The following LRIG1 variants were observed in gnomAD, a reference collection of about 807,000 sequenced individuals.
LRIG1 encodes the protein leucine rich repeats and immunoglobulin like domains 1.
LRIG1 carries 48 observed loss-of-function variants against 99.2 expected under a neutral mutation model. The ratio of observed to expected loss-of-function variants is 0.48; its 90% CI spans 0.38 to 0.62. The LOEUF is 0.62. LRIG1 is among the 20% of genes least tolerant of loss of function. The pLI is 0.00. For synonymous variants in LRIG1, 772 were observed against 596.1 expected, an observed-to-expected ratio of 1.29 and a Z score of -4.30; for missense variants, 1,646 against 1,434.4, an observed-to-expected ratio of 1.15 and a Z score of -2.38.
In LRIG1 at chr3:66,500,632, C is replaced by T. The variant is rs527463377; in HGVS notation, c.-225G>A. 2 of 317,900 alleles carry T rather than the reference C, an allele frequency of 6.3e-6. No homozygotes were observed. The highest frequency in any genetic ancestry group is 2.2e-5 in the African/African-American group (1 of 45,768). The allele number at this position is 317,900 out of a possible 1,614,324, so 19.7% of individuals were successfully genotyped here. ...CGGGGGCCGCAAACCCCGCGCCCAT[C>T]CGGGCCGGCCGGCCCGCCCGCGCTA... On this transcript the variant is annotated 5_prime_UTR_variant, in exon 1 of 19. Coordinates refer to ENST00000273261, the MANE Select transcript of LRIG1 (RefSeq NM_015541.3).
chr3:66,495,200 C>T lies in LRIG1; in HGVS notation c.218+4990G>A, dbSNP rs147894645. ...CTTAAGTCATAAAAAATAACAGTAACGGTCCCTAAATTTCCCACAGGCTGG... is the reference window on the plus strand; with the variant it reads ...CTTAAGTCATAAAAAATAACAGTAATGGTCCCTAAATTTCCCACAGGCTGG... On this transcript the variant is annotated intron_variant, in intron 1 of 18. Transcript: ENST00000273261. 1.1e-3 allele frequency among the ~76,000 whole-genome samples: 175 copies of T among 152,284 alleles called. 2 individuals are homozygous for T. The highest frequency in any genetic ancestry group is 9.7e-3 in the Admixed American group (148 of 15,294).
Position 66,382,296 on chromosome 3 carries a change from G to A in LRIG1, c.2594C>T (p.Ala865Val). 6.2e-7 allele frequency: 1 copy of A among 1,614,132 alleles called. No homozygotes were observed. Among genetic ancestry groups the A allele is most frequent in the Non-Finnish European group, 8.5e-7 (1 of 1,180,022 alleles). Residue 865 changes from alanine (A) to valine (V), a missense_variant, in exon 16 of 19, where the codon GCC becomes GTC. By Grantham distance (64) the Ala-to-Val change is moderately conservative. Transcript: ENST00000273261. ...TVVRTEGGPQ[A>V]NGHIESNGVC... ...ACCATTGCTCTCAATGTGCCCATTGGCCTGAGGGCCACCCTCGGTCCTGAC... is the reference window on the plus strand; with the variant it reads ...ACCATTGCTCTCAATGTGCCCATTGACCTGAGGGCCACCCTCGGTCCTGAC...
chr3:66,382,273 C>T lies in LRIG1; in HGVS notation c.2617G>A (p.Gly873Ser). The T allele has an allele frequency of 6.2e-7, 1 of 1,614,154 alleles. No homozygotes were observed. Among genetic ancestry groups the T allele is most frequent in the Non-Finnish European group, 8.5e-7 (1 of 1,180,014 alleles). ...TGCTTCACAGTTACTGAGGCCTTAC[C>T]ATTGCTCTCAATGTGCCCATTGGCC... Reference protein sequence around the residue: ...PQANGHIESNGVCPRDASHFP... With the variant: ...PQANGHIESNSVCPRDASHFP... Residue 873 changes from glycine to serine, a missense_variant and splice_region_variant, in exon 16 of 19, where the codon GGT becomes AGT. Gly to Ser is a moderately conservative substitution (Grantham distance 56, BLOSUM62 0). Transcript: ENST00000273261.
chr3:66,434,919 T>C (rs186281551), intron 3 of LRIG1, among the ~76,000 whole-genome samples: 2 of 152,236 alleles, frequency 1.3e-5, no homozygotes, highest in East Asian at 1.9e-4. Flanking sequence ...GACCTGTCAA[T>C]TGCACTCCTG....
At chr3:66,398,887 G>C in intron 10 of LRIG1, 83 bp downstream of exon 10, 2 of 1,111,508 alleles carry the variant, frequency 1.8e-6, no homozygotes, top group East Asian at 2.4e-5. Context: ...AGTTTACAAA[G>C]ATGCGATTAA....
At chr3:66,487,841 G>A (rs1220049782) in intron 1 of LRIG1, among the ~76,000 whole-genome samples, 2 of 152,026 alleles carry the variant, frequency 1.3e-5, no homozygotes, top group Non-Finnish European at 2.9e-5. Context: ...AATTTTTTTT[G>A]TAAAGTCTAG....
chr3:66,483,535 G>T (rs1352516586), intron 1 of LRIG1, among the ~76,000 whole-genome samples: 1 of 152,228 alleles, frequency 6.6e-6, no homozygotes, highest in Non-Finnish European at 1.5e-5. Context: ...CAGCAAAGAG[G>T]GAGAAAAGCT....
chr3:66,381,724 ATTTT>A, intron 16 of LRIG1, 93 bp from the exon 17 acceptor site: 2 of 1,423,636 alleles, frequency 1.4e-6, no homozygotes, highest in Non-Finnish European at 1.9e-6. Context: ...TAGAACAGTC[ATTTT>A]TTTTAAAAAG....
intron 15 of LRIG1, 83 bp from the exon 16 acceptor site, chr3:66,382,481 G>A: frequency 6.5e-7 from 1 of 1,529,496 alleles, no homozygotes; most frequent in Non-Finnish European, 9.0e-7. Context: ...GCTCAGAAAG[G>A]GGATCCTCCC....
chr3:66,442,533 G>A (rs937429004), intron 3 of LRIG1, among the ~76,000 whole-genome samples: 3 of 152,000 alleles, frequency 2.0e-5, no homozygotes, highest in East Asian at 1.9e-4. Flanking sequence ...CCTTTCACAC[G>A]GGAGATTGTG....
rs199829608 is a variant in LRIG1 at position 66,382,423 on chromosome 3, A to C, written c.2492-25T>G. On this transcript the variant is annotated intron_variant, in intron 15 of 18. Coordinates refer to ENST00000273261, the MANE Select transcript of LRIG1 (RefSeq NM_015541.3). The stretch of plus-strand genomic sequence containing the variant: ...TCTGCAAGGAGACAGAACAAATAGA[A>C]CACCAGGGTCTCAGTGACAAGAAAT... The C allele has an allele frequency of 1.8e-3, 2,886 of 1,613,950 alleles. 40 individuals are homozygous for C. The highest frequency in any genetic ancestry group is 0.015 in the African/African-American group (1,116 of 75,034).
chr3:66,447,386 T>C (rs903287407), intron 3 of LRIG1, among the ~76,000 whole-genome samples: 1 of 151,982 alleles, frequency 6.6e-6, no homozygotes. Context: ...TCTTATCTCA[T>C]TAAAAAAAAT....
intron 3 of LRIG1, among the ~76,000 whole-genome samples, chr3:66,440,071 A>G (rs377434716): frequency 6.6e-6 from 1 of 152,062 alleles, no homozygotes; most frequent in Non-Finnish European, 1.5e-5. Context: ...ATTTTAAATG[A>G]TAGTTATGAG....
chr3:66,414,363 C>T (rs999345414), intron 5 of LRIG1, among the ~76,000 whole-genome samples: 1 of 151,764 alleles, frequency 6.6e-6, no homozygotes, highest in Non-Finnish European at 1.5e-5. Flanking sequence ...CACCACTGCA[C>T]CCCACCTGGG....
chr3:66,477,965 G>A (rs1700761389), intron 1 of LRIG1, among the ~76,000 whole-genome samples: 2 of 152,264 alleles, frequency 1.3e-5, no homozygotes, highest in South Asian at 2.1e-4. Context: ...TAGCTGCAAA[G>A]CCATGGACTT....
intron 3 of LRIG1, among the ~76,000 whole-genome samples, chr3:66,448,464 A>T (rs1703795154): frequency 6.6e-6 from 1 of 152,280 alleles, no homozygotes; most frequent in South Asian, 2.1e-4. Context: ...GTTATTGGTC[A>T]GAGGGTAACT....
chr3:66,406,882 G>C (rs1034212730), intron 8 of LRIG1, among the ~76,000 whole-genome samples: 1 of 152,214 alleles, frequency 6.6e-6, no homozygotes, highest in African/African-American at 2.4e-5. Flanking sequence ...TGCTGAAGAA[G>C]TTCAAATGCT....
chr3:66,496,802 A>G (rs1701237993), intron 1 of LRIG1, among the ~76,000 whole-genome samples: 1 of 152,240 alleles, frequency 6.6e-6, no homozygotes, highest in South Asian at 2.1e-4. Flanking sequence ...TTTAAACTTA[A>G]TTTGCATAAA....
intron 11 of LRIG1, among the ~76,000 whole-genome samples, chr3:66,394,788 G>T (rs1575656187): frequency 6.6e-6 from 1 of 152,080 alleles, no homozygotes; most frequent in Admixed American, 6.5e-5. Context: ...ACTTCCAAAT[G>T]TAATAAGCCC....
Sources: gnomAD v4.1 joint callset for allele counts (sites outside exome capture counted in the v4.1 genomes callset) on GRCh38, gnomAD v4.1.1 for gene constraint, MANE v1.5 for transcripts, NCBI Gene and HGNC (gene_info 2026-07-23, HGNC 2026-07-21) for gene names.